RYR2: variants seen among roughly 807,000 people sequenced by gnomAD.
RYR2 encodes cardiac muscle ryanodine receptor-calcium release channel.
In RYR2, 227 loss-of-function variants were observed where a neutral mutation model predicts 601.1. The observed-to-expected ratio is 0.38, with a 90% CI of 0.34 to 0.42. The LOEUF (loss-of-function observed/expected upper bound fraction) is 0.42, where lower values mean the gene tolerates loss of function less well. Ranked by LOEUF, RYR2 falls within the 10% of genes least tolerant of loss-of-function variation. The probability of loss-of-function intolerance (pLI) is 1.00; values close to 1 mark genes in which losing one functional copy is unlikely to be tolerated. For synonymous variants in RYR2, 2,223 were observed against 2,175.1 expected (o/e 1.02, Z -0.61); for missense variants, 4,646 against 6,156.5 (o/e 0.75, Z 8.21).
At chr1:237,295,393 A>G (rs1347274424) in intron 2 of RYR2, among the ~76,000 whole-genome samples, 1 of 152,198 alleles carries the variant, frequency 6.6e-6, no homozygotes, top group Non-Finnish European at 1.5e-5. Context: ...AGGGGCCCAG[A>G]AAATTTGGAG....
At chr1:237,338,009 C>T (rs1385014916) in intron 3 of RYR2, among the ~76,000 whole-genome samples, 2 of 152,166 alleles carry the variant, frequency 1.3e-5, no homozygotes. Flanking sequence ...GTTTCCTTGC[C>T]TTTTCTAGCC....
chr1:237,724,193 ATATATATATATATATATATATATATG>A (rs1413130431), intron 74 of RYR2, among the ~76,000 whole-genome samples: 1 of 20,408 alleles, frequency 4.9e-5, no homozygotes, highest in African/African-American at 1.2e-4. Context: ...GCATATATAT[ATATATATATATATATATATATATATG>A]TATGTGTGAT....
intron 98 of RYR2, 32 bp downstream of exon 98, chr1:237,801,948 G>A: frequency 7.4e-7 from 1 of 1,345,004 alleles, no homozygotes; most frequent in African/African-American, 1.4e-5. Flanking sequence ...AAAAGAAAAT[G>A]CACTCTGATT....
chr1:237,436,862 T>C (rs1707434043), intron 12 of RYR2, among the ~76,000 whole-genome samples: 1 of 149,594 alleles, frequency 6.7e-6, no homozygotes, highest in South Asian at 2.1e-4. Context: ...TTACTGAGTC[T>C]AGTTTTATAT....
At chr1:237,344,838 C>T (rs538922676) in intron 3 of RYR2, among the ~76,000 whole-genome samples, 71 of 151,976 alleles carry the variant, frequency 4.7e-4, no homozygotes, top group Non-Finnish European at 6.8e-4. Flanking sequence ...GACAGAGTCT[C>T]GCTCTGTCAC....
intron 2 of RYR2, among the ~76,000 whole-genome samples, chr1:237,273,249 C>T (rs1009286035): frequency 4.1e-4 from 62 of 152,104 alleles, no homozygotes; most frequent in African/African-American, 1.4e-3. Flanking sequence ...CTTGCATGTG[C>T]AGTTCACAAT....
In RYR2 at chr1:237,628,749, A is replaced by G. The variant is rs560419518; in HGVS notation, c.6440+669A>G. Among the ~76,000 whole-genome samples, 11 of 152,290 alleles carry G rather than the reference A, an allele frequency of 7.2e-5. No individual in the cohort carries two copies. The South Asian group carries it at 2.1e-3, about 29-fold the overall frequency. ...TAATATATAAAAACATAGGACAGTA[A>G]AAACACATTGATCCATAGGTCTGTG... On this transcript the variant is annotated intron_variant, in intron 41 of 104. Transcript: ENST00000366574.
At chr1:237,381,773 GAGGTATAAAGGGTCTTA>G (rs1420200095) in intron 8 of RYR2, among the ~76,000 whole-genome samples, 1 of 152,152 alleles carries the variant, frequency 6.6e-6, no homozygotes, top group African/African-American at 2.4e-5. Flanking sequence ...GCTCAATTCT[GAGGTATAAAGGGTCTTA>G]AGCTCTAAAA....
chr1:237,061,276 CATCT>C (rs55852744), intron 1 of RYR2, among the ~76,000 whole-genome samples: 9,546 of 98,160 alleles, frequency 0.097, 771 homozygotes, highest in African/African-American at 0.17. Context: ...ATCCATCTAT[CATCT>C]ATCTATCTAT....
chr1:237,593,449 C>A, intron 32 of RYR2, 27 bp from the exon 33 acceptor site: 1 of 1,568,172 alleles, frequency 6.4e-7, no homozygotes, highest in South Asian at 1.2e-5. Context: ...TTTACTTTGC[C>A]AATATTTGGT....
chr1:237,208,306 A>C (rs1682041175), intron 1 of RYR2, among the ~76,000 whole-genome samples: 1 of 152,212 alleles, frequency 6.6e-6, no homozygotes, highest in African/African-American at 2.4e-5. Context: ...TGAGTGTTCA[A>C]GACATCAGGC....
intron 1 of RYR2, among the ~76,000 whole-genome samples, chr1:237,050,703 AC>A (rs1661152727): frequency 6.6e-6 from 1 of 152,240 alleles, no homozygotes; most frequent in South Asian, 2.1e-4. Flanking sequence ...CTGAAATGAT[AC>A]ATTTTGAGAA....
rs535940540 is a variant in RYR2 at position 237,324,835 on chromosome 1, G to GT, written c.169-6042dup. ...ATACATTTTGAGATACCTGTGTTAT[G>GT]TCAAAGGTCACTTGGAGCCCAATTG... On this transcript the variant is annotated intron_variant, in intron 2 of 104. Coordinates refer to ENST00000366574, the MANE Select transcript of RYR2 (RefSeq NM_001035.3). Among the ~76,000 whole-genome samples the GT allele has an allele frequency of 2.3e-4, 35 of 152,292 alleles. No individual in the cohort carries two copies. The East Asian group carries it at 3.5e-3, about 15-fold the overall frequency.
chr1:237,075,113 T>G (rs982362152), intron 1 of RYR2, among the ~76,000 whole-genome samples: 1 of 152,208 alleles, frequency 6.6e-6, no homozygotes, highest in Non-Finnish European at 1.5e-5. Context: ...TGCGTGAATT[T>G]AAAATCTGAG....
intron 24 of RYR2, among the ~76,000 whole-genome samples, chr1:237,515,935 TTC>T (rs1185642484): frequency 7.0e-5 from 5 of 71,154 alleles, no homozygotes; most frequent in Middle Eastern, 7.0e-3. Flanking sequence ...CTTCTCCTTC[TTC>T]CTCTTCTCCT....
intron 25 of RYR2, among the ~76,000 whole-genome samples, chr1:237,546,313 A>G (rs996868737): frequency 6.6e-6 from 1 of 152,186 alleles, no homozygotes; most frequent in African/African-American, 2.4e-5. Context: ...AAAACAAAAC[A>G]TTGGTAAAGC....
In RYR2 at chr1:237,785,979, C is replaced by T; in HGVS notation, c.13271C>T (p.Ala4424Val). 6.3e-7 allele frequency: 1 copy of T among 1,591,312 alleles called. No individual in the cohort carries two copies. The highest frequency in any genetic ancestry group is 8.6e-7 in the Non-Finnish European group (1 of 1,167,642). The change falls in exon 91 of 105, where the codon GCA (alanine) becomes GTA (valine). Residue 4424 changes from alanine (A) to valine (V), a missense_variant. By Grantham distance (64) the Ala-to-Val change is moderately conservative. Around this residue, in one of 17 missense-constraint regions of RYR2, gnomAD observed 364 missense variants for 442.9 expected, o/e 0.82. Transcript: ENST00000366574. Reference sequence around the variant, plus strand: ...ATTGACTCATTCAAGGAACAGAAGGCAAAAGAAGAAGAAAAGGAAGAAAAA... The same window carrying T: ...ATTGACTCATTCAAGGAACAGAAGGTAAAAGAAGAAGAAAAGGAAGAAAAA... ...EVQEKFQEQK[A>V]KEEEKEEKEE...
chr1:237,565,173 TTCTTTCTTTCTTTC>T (rs1559035710), intron 27 of RYR2, among the ~76,000 whole-genome samples: 2 of 31,500 alleles, frequency 6.3e-5, no homozygotes, highest in Admixed American at 7.4e-4. Flanking sequence ...CTTTCTTTCT[TTCTTTCTTTCTTTC>T]TTTCTTTCTT....
rs905814994 is a variant in RYR2 at position 237,180,907 on chromosome 1, CTAA to C, written c.49-89584_49-89582del. 2.1e-4 allele frequency among the ~76,000 whole-genome samples: 32 copies of C among 148,882 alleles called. No homozygotes were observed. Among genetic ancestry groups the C allele is most frequent in the Admixed American group, 6.1e-4 (9 of 14,876 alleles). On this transcript the variant is annotated intron_variant, in intron 1 of 104. Coordinates refer to ENST00000366574, the MANE Select transcript of RYR2 (RefSeq NM_001035.3). The surrounding 1 kb of genome is among the most constrained non-coding windows in gnomAD (Gnocchi z 5.3). ...TATAATTATAACAATAAATATATAA[CTAA>C]TAATATACTAATTAATAAAAATTGC... is the stretch of plus-strand genomic sequence containing the variant.
Sources: gnomAD v4.1 joint callset for allele counts (sites outside exome capture counted in the v4.1 genomes callset) on GRCh38, gnomAD v4.1.1 for gene constraint, gnomAD v4.1.1 regional missense constraint, Gnocchi (gnomAD v3.1) non-coding constraint, MANE v1.5 for transcripts, NCBI Gene and HGNC (gene_info 2026-07-23, HGNC 2026-07-21) for gene names.